REELD1: variants seen among roughly 807,000 people sequenced by gnomAD.
REELD1 encodes reelin domain-containing protein 1.
Under a neutral mutation model 6.3 loss-of-function variants are expected in REELD1, and 12 were observed. That is an observed-to-expected ratio of 1.89 (90% CI 1.21 to 3.07). REELD1 has a LOEUF of 3.07. Among genes scored for constraint, REELD1 ranks in the 30% most tolerant of loss-of-function variants. The pLI, the probability that REELD1 is intolerant of heterozygous loss-of-function variation, is 0.00. For synonymous variants in REELD1, 57 were observed against 33.6 expected (o/e 1.70, Z -2.42); for missense variants, 163 against 86.8 (o/e 1.88, Z -3.49).
At chr4:146,220,228 G>A (rs919810266) in intron 3 of REELD1, among the ~76,000 whole-genome samples, 3 of 152,246 alleles carry the variant, frequency 2.0e-5, no homozygotes, top group Non-Finnish European at 1.5e-5. Context: ...GGTTACAGGC[G>A]TGAGCCACCG....
chr4:146,219,906 A>G (rs944689124), intron 3 of REELD1, among the ~76,000 whole-genome samples: 1 of 152,180 alleles, frequency 6.6e-6, no homozygotes, highest in African/African-American at 2.4e-5. Flanking sequence ...TCAGACTGAT[A>G]TATTTTATTG....
intron 5 of REELD1, among the ~76,000 whole-genome samples, chr4:146,226,759 C>T (rs527932707): frequency 2.6e-5 from 4 of 152,288 alleles, no homozygotes; most frequent in Admixed American, 6.5e-5. Context: ...TTCCTTAGCT[C>T]TGGTATTAAT....
chr4:146,230,739 G>C lies in REELD1; in HGVS notation c.*226G>C, dbSNP rs1385255263. On this transcript the variant is annotated 3_prime_UTR_variant, in exon 8 of 8. Coordinates refer to ENST00000623665, the MANE Select transcript of REELD1 (RefSeq NM_001354631.1). Reference sequence around the variant, plus strand: ...TAATTGGGCTTCCTTCTTTCTTTTTGCAATTAGACGTTCTGTTTGAAGACT... The same window carrying C: ...TAATTGGGCTTCCTTCTTTCTTTTTCCAATTAGACGTTCTGTTTGAAGACT... The C allele has an allele frequency of 2.8e-6, 1 of 354,582 alleles. No homozygotes were observed. Among genetic ancestry groups the C allele is most frequent in the Non-Finnish European group, 5.0e-6 (1 of 198,138 alleles). 22.0% of individuals were successfully genotyped at this position (354,582 alleles called of 1,614,324 possible). A position where few individuals can be genotyped will look rare whatever the true frequency, so the allele number is the denominator to read the frequency against.
Position 146,230,161 on chromosome 4 carries a change from G to C in REELD1, c.1229G>C (p.Gly410Ala), listed in dbSNP as rs1006966092. 6 of 398,714 alleles carry C rather than the reference G, an allele frequency of 1.5e-5. No individual in the cohort carries two copies. The highest frequency in any genetic ancestry group is 2.7e-5 in the Non-Finnish European group (6 of 226,260). The allele number at this position is 398,714 out of a possible 1,614,324, so 24.7% of individuals were successfully genotyped here. ...GAGCTCAGAGCAGGGAAGGGAAATGGAGAGGGTGGAGTGGGATACCCTCGG... is the reference window on the plus strand; with the variant it reads ...GAGCTCAGAGCAGGGAAGGGAAATGCAGAGGGTGGAGTGGGATACCCTCGG... ...HKELRAGKGNGEGGVGYPRQT... is the reference protein window; with the variant it reads ...HKELRAGKGNAEGGVGYPRQT... Residue 410 changes from glycine (G) to alanine (A), a missense_variant, in exon 8 of 8, where the codon GGA (glycine) becomes GCA (alanine). Physicochemically the swap from Gly to Ala is moderately conservative, Grantham distance 60. Coordinates refer to ENST00000623665, the MANE Select transcript of REELD1 (RefSeq NM_001354631.1).
intron 3 of REELD1, among the ~76,000 whole-genome samples, chr4:146,218,749 G>T (rs1029913830): frequency 1.3e-5 from 2 of 152,164 alleles, no homozygotes; most frequent in Admixed American, 6.5e-5. Context: ...ACTTCTTTGG[G>T]GGCTCCATCC....
At position 146,224,457 on chromosome 4, in the gene REELD1, C is replaced by T. The variant is rs1730984013; in HGVS notation, c.444C>T (p.Val148=). ...TCTCTTTCCCCAGTTTATCAGTAGT[C>T]CAGTCATATTTTGTTTACTGGGCAA... is the stretch of plus-strand genomic sequence containing the variant. ...VGDIKFLLSV[V]QSYFVYWARI... Residue 148 remains valine, a synonymous_variant, in exon 5 of 8, where the codon GTC becomes GTT. Transcript: ENST00000623665. The T allele has an allele frequency of 3.1e-6, 2 of 647,766 alleles. No individual in the cohort carries two copies. Among genetic ancestry groups the T allele is most frequent in the South Asian group, 1.7e-5 (1 of 58,556 alleles). 40.1% of individuals were successfully genotyped at this position (647,766 alleles called of 1,614,324 possible).
intron 1 of REELD1, 114 bp from the exon 2 acceptor site, chr4:146,214,962 A>C (rs1730798672): frequency 6.6e-6 from 1 of 151,992 alleles, no homozygotes; most frequent in Admixed American, 6.6e-5. Context: ...GAGTCCAGGC[A>C]CTCACTCCCC....
chr4:146,230,210 T>C lies in REELD1; in HGVS notation c.1278T>C (p.Ile426=). The change falls in exon 8 of 8, where the codon ATT becomes ATC. Residue 426 remains isoleucine (I), a synonymous_variant. Transcript: ENST00000623665. Reference sequence around the variant, plus strand: ...GGCAGACCAACCCACGGCCTGACATTGGGCTAGAGGGAGCCCAGGCCCCTC... The same window carrying C: ...GGCAGACCAACCCACGGCCTGACATCGGGCTAGAGGGAGCCCAGGCCCCTC... ...YPRQTNPRPD[I]GLEGAQAPLG... is the part of the protein sequence containing the mutation. 1 of 398,732 alleles carries C rather than the reference T, an allele frequency of 2.5e-6. No individual in the cohort carries two copies. The highest frequency in any genetic ancestry group is 4.4e-6 in the Non-Finnish European group (1 of 226,168). The allele number at this position is 398,732 out of a possible 1,614,324, so 24.7% of individuals were successfully genotyped here.
intron 3 of REELD1, among the ~76,000 whole-genome samples, chr4:146,220,366 A>G (rs892843781): frequency 6.6e-6 from 1 of 152,134 alleles, no homozygotes; most frequent in African/African-American, 2.4e-5. Context: ...AATGGTTTTG[A>G]TGGATATCTT....
chr4:146,219,296 C>T (rs190100973), intron 3 of REELD1, among the ~76,000 whole-genome samples: 2 of 152,282 alleles, frequency 1.3e-5, no homozygotes, highest in South Asian at 2.1e-4. Flanking sequence ...GGAACCAAGA[C>T]AGCATATGTA....
chr4:146,218,885 A>G (rs1056754585), intron 3 of REELD1, among the ~76,000 whole-genome samples: 15 of 152,028 alleles, frequency 9.9e-5, no homozygotes, highest in African/African-American at 3.6e-4. Flanking sequence ...ATGGTGGCTC[A>G]TGCCTGTAAT....
intron 3 of REELD1, among the ~76,000 whole-genome samples, chr4:146,219,603 T>C (rs1730884518): frequency 6.6e-6 from 1 of 152,232 alleles, no homozygotes; most frequent in Non-Finnish European, 1.5e-5. Flanking sequence ...TAGCCACTCA[T>C]TCCCTTGAAC....
chr4:146,228,165 A>G (rs999147069), intron 5 of REELD1, 45 bp from the exon 6 acceptor site: 2 of 675,456 alleles, frequency 3.0e-6, no homozygotes, highest in African/African-American at 3.5e-5. Flanking sequence ...CGATGCGGGG[A>G]AAATGCTCTC....
Position 146,228,410 on chromosome 4 carries a change from G to A in REELD1, c.796G>A (p.Asp266Asn), listed in dbSNP as rs1313471369. ...CAGCATCAACCAGCAACCCAGCGGG[G>A]ACAGCAATCCCACCCTAGAGCCGTC... The part of the protein sequence containing the change: ...EGSINQQPSG[D>N]SNPTLEPSLE... Residue 266 changes from aspartate to asparagine, a missense_variant, in exon 6 of 8, where the codon GAC becomes AAC. Physicochemically the swap from Asp to Asn is conservative, Grantham distance 23. Coordinates refer to ENST00000623665, the MANE Select transcript of REELD1 (RefSeq NM_001354631.1). The A allele has an allele frequency of 1.0e-5, 7 of 702,588 alleles. No individual in the cohort carries two copies. Among genetic ancestry groups the A allele is most frequent in the East Asian group, 2.7e-5 (1 of 37,282 alleles). The allele number at this position is 702,588 out of a possible 1,614,324, so 43.5% of individuals were successfully genotyped here.
At chr4:146,215,754 T>G (rs1236161728) in intron 2 of REELD1, among the ~76,000 whole-genome samples, 3 of 61,554 alleles carry the variant, frequency 4.9e-5, no homozygotes, top group Admixed American at 4.2e-4. Flanking sequence ...AAACAGAACT[T>G]TTTTTTTTTT....
Position 146,231,721 on chromosome 4 carries a change from G to A in REELD1, c.*1208G>A, listed in dbSNP as rs536313905. ...TTAACTCTCACAAAAATTTAATGAGGAATAAGTTCAGTAGCTTTCCAAGGA... is the reference window on the plus strand; with the variant it reads ...TTAACTCTCACAAAAATTTAATGAGAAATAAGTTCAGTAGCTTTCCAAGGA... On this transcript the variant is annotated 3_prime_UTR_variant, in exon 8 of 8. Coordinates refer to ENST00000623665, the MANE Select transcript of REELD1 (RefSeq NM_001354631.1). Among the ~76,000 whole-genome samples the A allele has an allele frequency of 2.0e-5, 3 of 152,304 alleles. No homozygotes were observed. Among genetic ancestry groups the A allele is most frequent in the South Asian group, 2.1e-4 (1 of 4,824 alleles).
intron 1 of REELD1, among the ~76,000 whole-genome samples, 165 bp from the exon 2 acceptor site, chr4:146,214,911 A>G (rs1730797684): frequency 6.6e-6 from 1 of 152,014 alleles, no homozygotes; most frequent in Non-Finnish European, 1.5e-5. Flanking sequence ...AGTGAAACCT[A>G]AGGCAGGAGG....
intron 1 of REELD1, 55 bp from the exon 2 acceptor site, chr4:146,215,021 C>T (rs1003816501): frequency 1.3e-5 from 2 of 152,332 alleles, no homozygotes; most frequent in African/African-American, 4.8e-5. Flanking sequence ...AGACCACTTG[C>T]CATCAGCAAG....
chr4:146,215,735 T>TA (rs773304852), intron 2 of REELD1, among the ~76,000 whole-genome samples: 6,848 of 122,622 alleles, frequency 0.056, 259 homozygotes, highest in Admixed American at 0.12. Context: ...TGCAGGACTA[T>TA]AAAAAAAAAA....
Sources: allele counts gnomAD v4.1 joint callset (sites outside exome capture counted in the v4.1 genomes callset), GRCh38; gene constraint gnomAD v4.1.1; transcripts MANE v1.5; gene names NCBI Gene and HGNC (gene_info 2026-07-23, HGNC 2026-07-21).